Variants in ADD1 observed in about 807,000 individuals in gnomAD.
ADD1 encodes alpha-adducin.
Under a neutral mutation model 80.5 loss-of-function variants are expected in ADD1, and 24 were observed. That is an observed-to-expected ratio of 0.30 (90% CI 0.22 to 0.42). The LOEUF is 0.42. ADD1 is among the 10% of genes least tolerant of loss of function. The pLI is 1.00. For missense variants in ADD1, 948 were observed against 1,019.0 expected, an observed-to-expected ratio of 0.93 and a Z score of 0.95; for synonymous variants, 373 against 393.8, an observed-to-expected ratio of 0.95 and a Z score of 0.63.
chr4:2,922,260 C>T (rs186100430), intron 14 of ADD1, among the ~76,000 whole-genome samples: 197 of 152,198 alleles, frequency 1.3e-3, no homozygotes, highest in African/African-American at 3.7e-3. Flanking sequence ...GGTTTTTCCT[C>T]GTCTTTGTGG....
intron 14 of ADD1, among the ~76,000 whole-genome samples, chr4:2,917,367 T>C (rs899341764): frequency 6.6e-6 from 1 of 152,258 alleles, no homozygotes; most frequent in Non-Finnish European, 1.5e-5. Context: ...CTTCGTCTGC[T>C]TTTTGATGGC....
At chr4:2,894,851 A>T in intron 6 of ADD1, 120 bp downstream of exon 6, 1 of 1,129,490 alleles carries the variant, frequency 8.9e-7, no homozygotes, top group Non-Finnish European at 1.2e-6. Flanking sequence ...TTGAATATAA[A>T]AAAAAAGGTG....
chr4:2,857,320 A>T (rs1728232407), intron 1 of ADD1, among the ~76,000 whole-genome samples: 2 of 152,332 alleles, frequency 1.3e-5, no homozygotes, highest in Admixed American at 1.3e-4. Context: ...TTATTCTAAA[A>T]GTTAGCAGGT....
intron 6 of ADD1, among the ~76,000 whole-genome samples, chr4:2,897,703 G>T (rs561941961): frequency 2.4e-4 from 37 of 151,874 alleles, no homozygotes; most frequent in South Asian, 1.0e-3. Context: ...AATATTATTT[G>T]TAGAGGCGGG....
intron 1 of ADD1, among the ~76,000 whole-genome samples, chr4:2,865,636 GTATTT>G (rs1729437568): frequency 6.6e-6 from 1 of 152,084 alleles, no homozygotes; most frequent in Non-Finnish European, 1.5e-5. Context: ...TTTGTGGTCA[GTATTT>G]TAATCTCCCT....
At chr4:2,877,168 G>A (rs1010020178) in intron 2 of ADD1, among the ~76,000 whole-genome samples, 5 of 152,120 alleles carry the variant, frequency 3.3e-5, no homozygotes, top group African/African-American at 9.7e-5. Context: ...TTGTATCTGC[G>A]TAGTTTTCTC....
chr4:2,928,171 A>G lies in ADD1; in HGVS notation c.2048A>G (p.Asp683Gly). 6.2e-7 allele frequency: 1 copy of G among 1,613,796 alleles called. No homozygotes were observed. Among genetic ancestry groups the G allele is most frequent in the Non-Finnish European group, 8.5e-7 (1 of 1,179,874 alleles). Residue 683 changes from aspartate to glycine, a missense_variant and splice_region_variant, in exon 16 of 16, where the codon GAC becomes GGC. Coordinates refer to ENST00000683351, the MANE Select transcript of ADD1 (RefSeq NM_001354761.2). ...TCCCATCTCTCACCTCACCCACTAG[A>G]CCTTGTGCCGGAGCCGACTACTGGA... ...PPSTPIKLEE[D>G]LVPEPTTGDD... is the part of the protein sequence containing the mutation.
intron 14 of ADD1, among the ~76,000 whole-genome samples, chr4:2,919,023 T>C (rs1422963014): frequency 6.6e-6 from 1 of 152,046 alleles, no homozygotes; most frequent in Admixed American, 6.6e-5. Context: ...GTATTTTTAT[T>C]AGAGGCGGGG....
At chr4:2,859,441 C>T (rs1410914421) in intron 1 of ADD1, among the ~76,000 whole-genome samples, 3 of 152,008 alleles carry the variant, frequency 2.0e-5, no homozygotes, top group East Asian at 3.8e-4. Context: ...GAAATAAATA[C>T]ATCAAGATCT....
chr4:2,922,508 G>C (rs544114954), intron 14 of ADD1, among the ~76,000 whole-genome samples: 1 of 152,342 alleles, frequency 6.6e-6, no homozygotes, highest in East Asian at 1.9e-4. Context: ...CCTTCCTCTG[G>C]AAGTTTCGTC....
intron 12 of ADD1, 61 bp from the exon 13 acceptor site, chr4:2,909,278 C>G: frequency 7.2e-7 from 1 of 1,394,486 alleles, no homozygotes; most frequent in Non-Finnish European, 9.9e-7. Context: ...ATCCTGTGCT[C>G]TCAGCTGATA....
chr4:2,906,388 T>C (rs1421906189), intron 10 of ADD1, among the ~76,000 whole-genome samples: 3 of 147,800 alleles, frequency 2.0e-5, no homozygotes, highest in African/African-American at 7.6e-5. Flanking sequence ...GTGGGCGTTA[T>C]AAAACAAAAA....
At chr4:2,876,301 C>T in intron 2 of ADD1, 191 bp downstream of exon 2, 1 of 485,368 alleles carries the variant, frequency 2.1e-6, no homozygotes. Flanking sequence ...AATGAAAAAT[C>T]TTCAGTGTCG....
chr4:2,845,321 T>C (rs1157123961), intron 1 of ADD1, among the ~76,000 whole-genome samples: 1 of 152,194 alleles, frequency 6.6e-6, no homozygotes, highest in Non-Finnish European at 1.5e-5. Context: ...TCCGTCCGCC[T>C]AGGCCTCCAA....
chr4:2,882,014 T>C lies in ADD1; in HGVS notation c.312T>C (p.Asn104=), dbSNP rs1577544022. 1.9e-6 allele frequency: 3 copies of C among 1,613,314 alleles called. 1 individual carries two copies. The Middle Eastern group carries it at 4.9e-4, about 266-fold the overall frequency. ...IADFMTTNVP[N]VYPAAPQGGM... ...ATTTTATGACCACGAATGTACCAAA[T>C]GTCTACCCAGCAGCTCCGCAAGGAG... The change falls in exon 3 of 16, where the codon AAT becomes AAC. Residue 104 remains asparagine (N), a synonymous_variant. Coordinates refer to ENST00000683351, the MANE Select transcript of ADD1 (RefSeq NM_001354761.2).
rs1012119736 is a variant in ADD1 at position 2,876,373 on chromosome 4, T to C, written c.195+263T>C. 1.0e-5 allele frequency: 3 copies of C among 293,522 alleles called. No individual in the cohort carries two copies. In the East Asian group the frequency reaches 1.7e-4, roughly 17 times the overall value. The allele number at this position is 293,522 out of a possible 1,614,324, so 18.2% of individuals were successfully genotyped here. On this transcript the variant is annotated intron_variant, in intron 2 of 15. Transcript: ENST00000683351. ...TTGTGACTTTTCTAGAGGGTCCTTA[T>C]ATATTGGGGCAATTTTTAAATTACA...
intron 1 of ADD1, among the ~76,000 whole-genome samples, chr4:2,852,207 CCTTTCCTTT>C (rs60560858): frequency 8.5e-4 from 56 of 66,128 alleles, no homozygotes; most frequent in African/African-American, 2.5e-3. Flanking sequence ...TCCTTTCTTT[CCTTTCCTTT>C]CTTTCCTTTC....
chr4:2,847,790 G>C (rs1005308398), intron 1 of ADD1, among the ~76,000 whole-genome samples: 2 of 152,176 alleles, frequency 1.3e-5, no homozygotes. Flanking sequence ...CTTGAAGCAG[G>C]GAGGGAGCTT....
intron 1 of ADD1, among the ~76,000 whole-genome samples, chr4:2,871,732 A>T (rs1485367879): frequency 1.3e-5 from 2 of 152,192 alleles, no homozygotes; most frequent in Admixed American, 6.5e-5. Context: ...CCTTGCCCCC[A>T]TATAAGTTTT....
Sources: gnomAD v4.1 joint callset for allele counts (sites outside exome capture counted in the v4.1 genomes callset) on GRCh38, gnomAD v4.1.1 for gene constraint, MANE v1.5 for transcripts, NCBI Gene and HGNC (gene_info 2026-07-23, HGNC 2026-07-21) for gene names.